CNTN5: variants seen among roughly 807,000 people sequenced by gnomAD.
CNTN5 encodes the protein contactin-5.
CNTN5 carries 77 observed loss-of-function variants against 129.1 expected under a neutral mutation model. The observed-to-expected ratio is 0.60, with a 90% CI of 0.50 to 0.72. CNTN5 has a LOEUF of 0.72. Among genes scored for constraint, CNTN5 ranks in the 30% least tolerant of loss-of-function variants. The probability of loss-of-function intolerance (pLI) is 0.00; values close to 1 mark genes in which losing one functional copy is unlikely to be tolerated. For synonymous variants in CNTN5, 509 were observed against 465.6 expected, an observed-to-expected ratio of 1.09 and a Z score of -1.20; for missense variants, 1,478 against 1,328.8, an observed-to-expected ratio of 1.11 and a Z score of -1.75.
At chr11:99,312,725 A>G (rs1220211609) in intron 1 of CNTN5, among the ~76,000 whole-genome samples, 1 of 152,106 alleles carries the variant, frequency 6.6e-6, no homozygotes, top group Non-Finnish European at 1.5e-5. Flanking sequence ...TTTAGTAAGT[A>G]TTCAATAAAT....
At chr11:99,452,136 G>A (rs1284380080) in intron 2 of CNTN5, among the ~76,000 whole-genome samples, 1 of 152,012 alleles carries the variant, frequency 6.6e-6, no homozygotes, top group Non-Finnish European at 1.5e-5. Flanking sequence ...TGAAGCCAAA[G>A]AGCAAAGACG....
intron 9 of CNTN5, among the ~76,000 whole-genome samples, chr11:100,035,137 A>G (rs1941915562): frequency 6.6e-6 from 1 of 151,816 alleles, no homozygotes; most frequent in African/African-American, 2.4e-5. Flanking sequence ...CCACCCCACA[A>G]CAGTCCCCGA....
chr11:99,023,309 T>C (rs1393600688), intron 1 of CNTN5, among the ~76,000 whole-genome samples: 1 of 152,222 alleles, frequency 6.6e-6, no homozygotes, highest in East Asian at 1.9e-4. Context: ...GTTAGAAATG[T>C]ACCAGGTTTG....
At chr11:99,687,091 A>G (rs1056259899) in intron 3 of CNTN5, among the ~76,000 whole-genome samples, 4 of 152,144 alleles carry the variant, frequency 2.6e-5, no homozygotes, top group Admixed American at 2.0e-4. Flanking sequence ...GAATCCTCAT[A>G]GTTATTTATA....
chr11:99,541,387 T>TA (rs1461870153), intron 2 of CNTN5, among the ~76,000 whole-genome samples: 1 of 152,208 alleles, frequency 6.6e-6, no homozygotes, highest in Non-Finnish European at 1.5e-5. Flanking sequence ...TGGTACTTTT[T>TA]ATGATTAATA....
chr11:99,401,185 T>A (rs1026788006), intron 2 of CNTN5, among the ~76,000 whole-genome samples: 3 of 152,148 alleles, frequency 2.0e-5, no homozygotes, highest in African/African-American at 7.2e-5. Context: ...TTCCCTAATG[T>A]TTTCTTGTAG....
At chr11:99,129,152 C>T (rs768854181) in intron 1 of CNTN5, among the ~76,000 whole-genome samples, 7 of 152,094 alleles carry the variant, frequency 4.6e-5, no homozygotes, top group African/African-American at 1.2e-4. Flanking sequence ...TAATAAACTT[C>T]GCTGAACTAA....
chr11:99,548,814 G>A (rs1360953424), intron 2 of CNTN5, among the ~76,000 whole-genome samples: 3 of 151,876 alleles, frequency 2.0e-5, no homozygotes, highest in Non-Finnish European at 4.4e-5. Context: ...TTTTCAATAT[G>A]ATGTGCACAG....
At chr11:99,606,828 A>G in intron 3 of CNTN5, among the ~76,000 whole-genome samples, 1 of 140,370 alleles carries the variant, frequency 7.1e-6, no homozygotes, top group Non-Finnish European at 1.6e-5. Flanking sequence ...GACAAACCTG[A>G]GAAAAACAAG....
rs1438623136 is a variant in CNTN5 at position 99,738,994 on chromosome 11, T to G, written c.56-80550T>G. On this transcript the variant is annotated intron_variant, in intron 3 of 24. Coordinates refer to ENST00000524871, the MANE Select transcript of CNTN5 (RefSeq NM_014361.4). ...GACCAGATACCTTACAAGGCCCAGATGTAATAAATATAGACGATAGATTAA... is the reference window on the plus strand; with the variant it reads ...GACCAGATACCTTACAAGGCCCAGAGGTAATAAATATAGACGATAGATTAA... 2.0e-5 allele frequency among the ~76,000 whole-genome samples: 3 copies of G among 152,182 alleles called. No homozygotes were observed. The East Asian group carries it at 5.8e-4, about 29-fold the overall frequency.
At chr11:99,352,166 T>G (rs1027841488) in intron 2 of CNTN5, among the ~76,000 whole-genome samples, 1 of 152,210 alleles carries the variant, frequency 6.6e-6, no homozygotes, top group East Asian at 1.9e-4. Flanking sequence ...GGAATATGAA[T>G]AGACCTGAGT....
chr11:100,346,323 G>C (rs1952278363), intron 23 of CNTN5, among the ~76,000 whole-genome samples: 1 of 151,962 alleles, frequency 6.6e-6, no homozygotes, highest in Non-Finnish European at 1.5e-5. Flanking sequence ...AGTATATTCA[G>C]CCATAATTTT....
rs185943389 is a variant in CNTN5, at chr11:100,038,583, T to C, written c.981-22629T>C. On this transcript the variant is annotated intron_variant, in intron 9 of 24. Coordinates refer to ENST00000524871, the MANE Select transcript of CNTN5 (RefSeq NM_014361.4). The stretch of plus-strand genomic sequence containing the variant: ...GACAGTGAGGTGTTAAAATCTCCCA[T>C]TATTATTGTGTGGGAGTCTAAGTCT... Among the ~76,000 whole-genome samples, 631 of 152,220 alleles carry C rather than the reference T, an allele frequency of 4.1e-3. 2 individuals are homozygous for C. The highest frequency in any genetic ancestry group is 0.015 in the African/African-American group (616 of 41,522).
At chr11:99,791,454 G>A (rs1278478276) in intron 3 of CNTN5, among the ~76,000 whole-genome samples, 2 of 152,028 alleles carry the variant, frequency 1.3e-5, no homozygotes, top group African/African-American at 4.8e-5. Flanking sequence ...GATGGTTGCA[G>A]GTGCATGGCA....
chr11:99,745,939 T>C (rs928554754), intron 3 of CNTN5, among the ~76,000 whole-genome samples: 1 of 152,190 alleles, frequency 6.6e-6, no homozygotes, highest in African/African-American at 2.4e-5. Flanking sequence ...AGACCAGTGA[T>C]GAAATTGGAC....
chr11:100,043,185 C>G (rs1360355010), intron 9 of CNTN5, among the ~76,000 whole-genome samples: 1 of 152,140 alleles, frequency 6.6e-6, no homozygotes, highest in East Asian at 1.9e-4. Context: ...ATGAATCATT[C>G]TTGATTTCAA....
intron 4 of CNTN5, among the ~76,000 whole-genome samples, chr11:99,836,946 G>A (rs1288582256): frequency 6.6e-6 from 1 of 152,150 alleles, no homozygotes; most frequent in Admixed American, 6.6e-5. Context: ...GGTGCTGGTG[G>A]GAGTGTAGCA....
chr11:99,361,134 G>T (rs1939082448), intron 2 of CNTN5, among the ~76,000 whole-genome samples: 1 of 151,988 alleles, frequency 6.6e-6, no homozygotes, highest in Non-Finnish European at 1.5e-5. Context: ...CATCAAAATG[G>T]CCTTTACCAT....
chr11:99,868,732 T>C (rs1020239418), intron 6 of CNTN5, among the ~76,000 whole-genome samples: 1 of 152,088 alleles, frequency 6.6e-6, no homozygotes, highest in Non-Finnish European at 1.5e-5. Context: ...TTGGAGAGTG[T>C]TGGAGTTTGT....
Sources: gnomAD v4.1 joint callset for allele counts (sites outside exome capture counted in the v4.1 genomes callset) on GRCh38, gnomAD v4.1.1 for gene constraint, MANE v1.5 for transcripts, NCBI Gene and HGNC (gene_info 2026-07-23, HGNC 2026-07-21) for gene names.